The following PSD variants were observed in gnomAD, a reference collection of about 807,000 sequenced individuals.
The protein encoded by PSD is pleckstrin and Sec7 domain containing.
In PSD, 32 loss-of-function variants were observed where a neutral mutation model predicts 91.6. The observed-to-expected ratio is 0.35, with a 90% CI of 0.26 to 0.47. The LOEUF is 0.47. PSD is among the 20% of genes least tolerant of loss of function. PSD has a pLI of 1.00. For synonymous variants in PSD, 532 were observed against 569.3 expected (o/e 0.93, Z 0.93); for missense variants, 1,099 against 1,373.9 (o/e 0.80, Z 3.16).
intron 10 of PSD, among the ~76,000 whole-genome samples, chr10:102,408,196 G>A (rs890996155): frequency 6.6e-6 from 1 of 152,208 alleles, no homozygotes; most frequent in Admixed American, 6.5e-5. Context: ...AGTGTGTGGC[G>A]TGTGATGCTG....
Position 102,414,991 on chromosome 10 carries a change from G to A in PSD, c.996C>T (p.Ala332=), listed in dbSNP as rs1235193495. 6.2e-7 allele frequency: 1 copy of A among 1,603,364 alleles called. No homozygotes were observed. The highest frequency in any genetic ancestry group is 8.5e-7 in the Non-Finnish European group (1 of 1,172,422). ...EGPPGTAYPP[A]PRPGPLPGPH... Reference sequence around the variant, plus strand: ...GGCCAGGGAGTGGGCCGGGCCGTGGGGCAGGTGGGTAGGCAGTGCCTGGTG... The same window carrying A: ...GGCCAGGGAGTGGGCCGGGCCGTGGAGCAGGTGGGTAGGCAGTGCCTGGTG... Residue 332 remains alanine (A), a synonymous_variant, in exon 4 of 17, where the codon GCC becomes GCT. Coordinates refer to ENST00000020673, the MANE Select transcript of PSD (RefSeq NM_002779.5). This position sits in a 1 kb window ranked among gnomAD's most constrained non-coding sequence, Gnocchi z 5.6.
At position 102,403,231 on chromosome 10, in the gene PSD, G is replaced by A. The variant is rs1227171700; in HGVS notation, c.3044C>T (p.Pro1015Leu). The change falls in exon 17 of 17, where the codon CCA becomes CTA. Residue 1015 changes from proline (P) to leucine (L), a missense_variant. By Grantham distance (98) the Pro-to-Leu change is moderately conservative. Around this residue, in one of 3 missense-constraint regions of PSD, gnomAD observed 358 missense variants for 426.5 expected, o/e 0.84. Transcript: ENST00000020673. The surrounding 1 kb of genome is among the most constrained non-coding windows in gnomAD (Gnocchi z 6.7). Reference protein sequence around the residue: ...RAQRHSSEPRPGAGSGRRKP With the variant: ...RAQRHSSEPRLGAGSGRRKP ...CTTCCGCCGCCCACTGCCTGCCCCT[G>A]GCCGAGGCTCTGAGCTGTGACGCTG... 1.3e-6 allele frequency: 2 copies of A among 1,589,268 alleles called. No homozygotes were observed. The highest frequency in any genetic ancestry group is 1.7e-6 in the Non-Finnish European group (2 of 1,164,260).
chr10:102,413,631 A>G, intron 5 of PSD, 138 bp downstream of exon 5: 1 of 822,284 alleles, frequency 1.2e-6, no homozygotes, highest in Non-Finnish European at 1.9e-6. Context: ...ATAGGAAAAC[A>G]GGATCTGCAT....
In PSD at chr10:102,414,195, G is replaced by C; in HGVS notation, c.1127C>G (p.Pro376Arg). The C allele has an allele frequency of 1.2e-6, 2 of 1,600,412 alleles. No individual in the cohort carries two copies. The highest frequency in any genetic ancestry group is 1.7e-6 in the Non-Finnish European group (2 of 1,172,786). ...TGACTTGAGAGGCATCCGGCTCCCTGGCCTGCAGGGGCAGGGAGAATCTCT... is the reference window on the plus strand; with the variant it reads ...TGACTTGAGAGGCATCCGGCTCCCTCGCCTGCAGGGGCAGGGAGAATCTCT... ...EVFEASEGAR[P>R]GSRMPLKSPV... Residue 376 changes from proline (P) to arginine (R), a missense_variant and splice_region_variant, in exon 5 of 17, where the codon CCA becomes CGA. This residue lies in a region of PSD where 631 missense variants were observed against 728.8 expected (regional missense o/e 0.87). Transcript: ENST00000020673. The surrounding 1 kb of genome is among the most constrained non-coding windows in gnomAD (Gnocchi z 5.6).
chr10:102,405,276 AG>A lies in PSD; in HGVS notation c.2327-24del, dbSNP rs2061347077. 1.9e-6 allele frequency: 3 copies of A among 1,609,970 alleles called. No individual in the cohort carries two copies. The highest frequency in any genetic ancestry group is 1.3e-5 in the African/African-American group (1 of 74,914). On this transcript the variant is annotated intron_variant, in intron 12 of 16. Coordinates refer to ENST00000020673, the MANE Select transcript of PSD (RefSeq NM_002779.5). The surrounding 1 kb of genome is among the most constrained non-coding windows in gnomAD (Gnocchi z 5.4). ...GTGCTGCGGGGAGAGAAGACAGGTC[AG>A]GGGGCCCTGGAACAGGCCCACTCCC... is the stretch of plus-strand genomic sequence containing the variant.
Position 102,409,008 on chromosome 10 carries a change from G to A in PSD, c.2092-1742C>T. 1 of 987,158 alleles carries A rather than the reference G, an allele frequency of 1.0e-6. No homozygotes were observed. 61.1% of individuals were successfully genotyped at this position (987,158 alleles called of 1,614,324 possible). On this transcript the variant is annotated intron_variant, in intron 10 of 16. Coordinates refer to ENST00000020673, the MANE Select transcript of PSD (RefSeq NM_002779.5). This position sits in a 1 kb window ranked among gnomAD's most constrained non-coding sequence, Gnocchi z 5.7. The stretch of plus-strand genomic sequence containing the variant: ...CCGTAGCACAGGGTCTCCGCGCCGC[G>A]GTGGGTGCGCCCGTAGCGCACGGAG...
chr10:102,409,925 G>A lies in PSD; in HGVS notation c.2091+933C>T, dbSNP rs1412128795. 6.6e-6 allele frequency among the ~76,000 whole-genome samples: 1 copy of A among 152,022 alleles called. No individual in the cohort carries two copies. Among genetic ancestry groups the A allele is most frequent in the Non-Finnish European group, 1.5e-5 (1 of 68,012 alleles). The stretch of plus-strand genomic sequence containing the variant: ...CTCAAACACACACTCTGAATCGTAA[G>A]CCCTAAAGCACAAACACACCAAGCC... On this transcript the variant is annotated intron_variant, in intron 10 of 16. Coordinates refer to ENST00000020673, the MANE Select transcript of PSD (RefSeq NM_002779.5). This position sits in a 1 kb window ranked among gnomAD's most constrained non-coding sequence, Gnocchi z 5.7.
intron 5 of PSD, among the ~76,000 whole-genome samples, chr10:102,413,252 T>A (rs541044168): frequency 1.3e-5 from 2 of 152,270 alleles, no homozygotes; most frequent in Non-Finnish European, 2.9e-5. Flanking sequence ...CCCCTCCTGT[T>A]GCCATGGCTT....
At position 102,403,762 on chromosome 10, in the gene PSD, G is replaced by A. The variant is rs993160127; in HGVS notation, c.2844+80C>T. 1.8e-5 allele frequency: 27 copies of A among 1,504,738 alleles called. No homozygotes were observed. The South Asian group carries it at 2.1e-4, about 12-fold the overall frequency. 93.2% of individuals were successfully genotyped at this position (1,504,738 alleles called of 1,614,324 possible). On this transcript the variant is annotated intron_variant, in intron 16 of 16. Transcript: ENST00000020673. This position sits in a 1 kb window ranked among gnomAD's most constrained non-coding sequence, Gnocchi z 6.7. ...GCAACCTGCCCAAGGACCTCCGGCCGGTTCCACTGTTAGAGTTCATGCCCT... is the reference window on the plus strand; with the variant it reads ...GCAACCTGCCCAAGGACCTCCGGCCAGTTCCACTGTTAGAGTTCATGCCCT...
In PSD at chr10:102,403,506, C is replaced by T; in HGVS notation, c.2845-76G>A. On this transcript the variant is annotated intron_variant, in intron 16 of 16. Transcript: ENST00000020673. The surrounding 1 kb of genome is among the most constrained non-coding windows in gnomAD (Gnocchi z 6.7). ...ACCCCACCATCTGGACCAGGGAGGG[C>T]CGCCAGCAGGGCAGAAGATGGCAGG... The T allele has an allele frequency of 7.2e-7, 1 of 1,392,400 alleles. No individual in the cohort carries two copies. The highest frequency in any genetic ancestry group is 9.7e-7 in the Non-Finnish European group (1 of 1,033,004). 86.3% of individuals were successfully genotyped at this position (1,392,400 alleles called of 1,614,324 possible).
Position 102,413,895 on chromosome 10 carries a change from C to T in PSD, c.1427G>A (p.Gly476Asp). The T allele has an allele frequency of 6.2e-7, 1 of 1,614,098 alleles. No individual in the cohort carries two copies. Among genetic ancestry groups the T allele is most frequent in the Non-Finnish European group, 8.5e-7 (1 of 1,179,962 alleles). ...CTCCTCCCCTCTCTGTGTCCAAGGACCATCAGCAGCAGAGCTGGTACCAGA... is the reference window on the plus strand; with the variant it reads ...CTCCTCCCCTCTCTGTGTCCAAGGATCATCAGCAGCAGAGCTGGTACCAGA... ...PDSGTSSAAD[G>D]PWTQRGEEEE... The change falls in exon 5 of 17, where the codon GGT (glycine) becomes GAT (aspartate). Residue 476 changes from glycine (G) to aspartate (D), a missense_variant. Gly to Asp is a moderately conservative substitution (Grantham distance 94, BLOSUM62 -1). Transcript: ENST00000020673.
In PSD at chr10:102,403,572, G is replaced by GC. The variant is rs2061312909; in HGVS notation, c.2845-143dup. On this transcript the variant is annotated intron_variant, in intron 16 of 16. Transcript: ENST00000020673. The surrounding 1 kb of genome is among the most constrained non-coding windows in gnomAD (Gnocchi z 6.7). ...GTGAGATGGTCCCATGCGGGCTGGT[G>GC]CCCCCTCTGGGCTCTCCTGGGACCA... The GC allele has an allele frequency of 1.1e-6, 1 of 884,260 alleles. No individual in the cohort carries two copies. The highest frequency in any genetic ancestry group is 2.8e-5 in the Admixed American group (1 of 36,070). 54.8% of individuals were successfully genotyped at this position (884,260 alleles called of 1,614,324 possible). A position where few individuals can be genotyped will look rare whatever the true frequency, so the allele number is the denominator to read the frequency against.
At position 102,413,712 on chromosome 10, in the gene PSD, C is replaced by T. The variant is rs2061445996; in HGVS notation, c.1553+57G>A. 2.0e-6 allele frequency: 3 copies of T among 1,513,068 alleles called. No homozygotes were observed. In the Admixed American group the frequency reaches 5.9e-5, roughly 30 times the overall value. The allele number at this position is 1,513,068 out of a possible 1,614,324, so 93.7% of individuals were successfully genotyped here. On this transcript the variant is annotated intron_variant, in intron 5 of 16. Coordinates refer to ENST00000020673, the MANE Select transcript of PSD (RefSeq NM_002779.5). Reference sequence around the variant, plus strand: ...CACACTCAGGATCTGTCCCTTACAGCAGCTGTTTCTGGAGCCCTGGGGGCC... The same window carrying T: ...CACACTCAGGATCTGTCCCTTACAGTAGCTGTTTCTGGAGCCCTGGGGGCC...
intron 6 of PSD, 54 bp downstream of exon 6, chr10:102,412,327 C>T: frequency 1.2e-6 from 2 of 1,610,934 alleles, no homozygotes; most frequent in Non-Finnish European, 1.7e-6. Context: ...GGAGAGCTGC[C>T]TTCAGGATGC....
chr10:102,411,586 A>G (rs2135456491), intron 8 of PSD, 121 bp downstream of exon 8: 3 of 748,680 alleles, frequency 4.0e-6, no homozygotes, highest in South Asian at 1.5e-5. Flanking sequence ...TCACATGCCT[A>G]CACGCATGTA....
In PSD at chr10:102,414,839, T is replaced by C; in HGVS notation, c.1124+24A>G. ...GAGCAAGCCGCTTCCCTCTCCCACT[T>C]CCCCCTCCCACTTCCCCACTCACCG... On this transcript the variant is annotated intron_variant, in intron 4 of 16. Coordinates refer to ENST00000020673, the MANE Select transcript of PSD (RefSeq NM_002779.5). This position sits in a 1 kb window ranked among gnomAD's most constrained non-coding sequence, Gnocchi z 5.6. The C allele has an allele frequency of 6.7e-7, 1 of 1,485,996 alleles. No individual in the cohort carries two copies. The highest frequency in any genetic ancestry group is 8.9e-7 in the Non-Finnish European group (1 of 1,122,754). 92.1% of individuals were successfully genotyped at this position (1,485,996 alleles called of 1,614,324 possible).
chr10:102,417,586 G>T (rs1161048976), intron 1 of PSD, among the ~76,000 whole-genome samples: 3 of 152,106 alleles, frequency 2.0e-5, no homozygotes, highest in African/African-American at 7.2e-5. Flanking sequence ...GAGGGAAGAG[G>T]AACAGGTGTT....
Position 102,405,001 on chromosome 10 carries a change from T to C in PSD, c.2452A>G (p.Ser818Gly). Reference sequence around the variant, plus strand: ...CGAGTGGCCAGGGCATGGTGGATGCTGATGGCATTCTTGAGCTCCGTCTCT... The same window carrying C: ...CGAGTGGCCAGGGCATGGTGGATGCCGATGGCATTCTTGAGCTCCGTCTCT... ...LSETELKNAI[S>G]IHHALATRAS... The change falls in exon 14 of 17, where the codon AGC becomes GGC. Residue 818 changes from serine to glycine, a missense_variant. By Grantham distance (56) the Ser-to-Gly change is moderately conservative. Coordinates refer to ENST00000020673, the MANE Select transcript of PSD (RefSeq NM_002779.5). The surrounding 1 kb of genome is among the most constrained non-coding windows in gnomAD (Gnocchi z 5.4). 6.2e-7 allele frequency: 1 copy of C among 1,614,088 alleles called. No individual in the cohort carries two copies. The highest frequency in any genetic ancestry group is 8.5e-7 in the Non-Finnish European group (1 of 1,179,974).
At chr10:102,412,095 C>T in intron 7 of PSD, 52 bp downstream of exon 7, 1 of 1,575,652 alleles carries the variant, frequency 6.3e-7, no homozygotes, top group Non-Finnish European at 8.7e-7. Flanking sequence ...TCCTGGGGCC[C>T]TAACACGAAC....
Sources: gnomAD v4.1 joint callset for allele counts (sites outside exome capture counted in the v4.1 genomes callset) on GRCh38, gnomAD v4.1.1 for gene constraint, gnomAD v4.1.1 regional missense constraint, Gnocchi (gnomAD v3.1) non-coding constraint, MANE v1.5 for transcripts, NCBI Gene and HGNC (gene_info 2026-07-23, HGNC 2026-07-21) for gene names.